Variants in AAMDC observed in about 807,000 individuals in gnomAD.
AAMDC encodes adipogenesis associated Mth938 domain containing.
In AAMDC, 16 loss-of-function variants were observed where a neutral mutation model predicts 15.5. The observed-to-expected ratio is 1.03, with a 90% CI of 0.70 to 1.57. The LOEUF is 1.57. Among genes scored for constraint, AAMDC ranks in the 40% most tolerant of loss-of-function variants. The pLI is 0.00. For missense variants in AAMDC, 141 were observed against 144.9 expected, an observed-to-expected ratio of 0.97 and a Z score of 0.14; for synonymous variants, 51 against 51.6, an observed-to-expected ratio of 0.99 and a Z score of 0.05.
At position 77,857,974 on chromosome 11, in the gene AAMDC, G is replaced by A. The variant is rs150885803; in HGVS notation, c.133-11748G>A. Among the ~76,000 whole-genome samples, 687 of 152,180 alleles carry A rather than the reference G, an allele frequency of 4.5e-3. 1 individual carries two copies. The highest frequency in any genetic ancestry group is 7.7e-3 in the Non-Finnish European group (524 of 67,982). On this transcript the variant is annotated intron_variant, in intron 2 of 3. Transcript: ENST00000393427. ...CCCCCAAAGTGCTGGGATTACAGGC[G>A]TGAGCCAACGTGCCCGGCCATCATC...
At chr11:77,850,065 T>G (rs944700846) in intron 2 of AAMDC, among the ~76,000 whole-genome samples, 3 of 152,222 alleles carry the variant, frequency 2.0e-5, no homozygotes, top group African/African-American at 7.2e-5. Context: ...AATAAATGTT[T>G]GCTGAATTGA....
intron 2 of AAMDC, chr11:77,855,465 G>A: frequency 5.1e-6 from 1 of 194,234 alleles, no homozygotes; most frequent in South Asian, 8.0e-5. Flanking sequence ...GACTACAGGT[G>A]CCTGCCACCA....
At chr11:77,904,656 A>C (rs1291998227), downstream of AAMDC, among the ~76,000 whole-genome samples, 2 of 152,188 alleles carry the variant, frequency 1.3e-5, no homozygotes, top group Non-Finnish European at 2.9e-5. Flanking sequence ...GAATTTCTGG[A>C]ATATTTACTT....
At position 77,853,483 on chromosome 11, in the gene AAMDC, A is replaced by G. The variant is rs1000385625; in HGVS notation, c.132+10855A>G. 3.3e-5 allele frequency among the ~76,000 whole-genome samples: 5 copies of G among 152,138 alleles called. No individual in the cohort carries two copies. In the East Asian group the frequency reaches 9.6e-4, roughly 29 times the overall value. On this transcript the variant is annotated intron_variant, in intron 2 of 3. Transcript: ENST00000393427. ...TCATGAGAATTCACTCACTATCACG[A>G]GAACAGCAAGGGGGATATTGGCCCC...
At chr11:77,866,345 T>A (rs994359992) in intron 2 of AAMDC, 2 of 152,150 alleles carry the variant, frequency 1.3e-5, no homozygotes, top group Non-Finnish European at 2.9e-5. Context: ...AGGAACAGAA[T>A]CAGACACTCA....
intron 1 of AAMDC, among the ~76,000 whole-genome samples, chr11:77,828,794 T>G (rs1421238158): frequency 1.3e-5 from 2 of 152,222 alleles, no homozygotes; most frequent in Non-Finnish European, 2.9e-5. Context: ...TGCCAATACC[T>G]TTAAGTTGAA....
At chr11:77,842,670 A>ACTTCCTCATGT in intron 2 of AAMDC, 42 bp downstream of exon 2, 1 of 1,600,318 alleles carries the variant, frequency 6.2e-7, no homozygotes, top group Non-Finnish European at 8.5e-7. Context: ...GAGGCTGACC[A>ACTTCCTCATGT]AGTGATTTCC....
At chr11:77,867,974 T>C (rs1484454058) in intron 2 of AAMDC, among the ~76,000 whole-genome samples, 1 of 152,198 alleles carries the variant, frequency 6.6e-6, no homozygotes, top group Non-Finnish European at 1.5e-5. Context: ...ATGCAAGTGC[T>C]TTCTTTTCCC....
intron 5 of AAMDC, among the ~76,000 whole-genome samples, chr11:77,893,663 C>G (rs1458824341): frequency 6.6e-6 from 1 of 152,068 alleles, no homozygotes; most frequent in African/African-American, 2.4e-5. Context: ...GAGGCCAAGG[C>G]AGGCAGATCA....
At chr11:77,882,362 G>A (rs887292009) in intron 5 of AAMDC, among the ~76,000 whole-genome samples, 2 of 150,596 alleles carry the variant, frequency 1.3e-5, no homozygotes, top group Admixed American at 1.3e-4. Flanking sequence ...TCTAACTCTG[G>A]CCTTGGCAAT....
At chr11:77,905,824 T>C (rs1205598610) in intron 3 of AAMDC, among the ~76,000 whole-genome samples, 1 of 152,186 alleles carries the variant, frequency 6.6e-6, no homozygotes, top group Non-Finnish European at 1.5e-5. Context: ...CATTTATACC[T>C]TTCCCTTTAT....
chr11:77,843,288 G>A (rs191993846), intron 2 of AAMDC, among the ~76,000 whole-genome samples: 118 of 152,248 alleles, frequency 7.8e-4, no homozygotes, highest in African/African-American at 2.6e-3. Flanking sequence ...AGTATTCTCA[G>A]TGTGCCATTC....
chr11:77,905,826 T>C (rs568709282), intron 3 of AAMDC, among the ~76,000 whole-genome samples: 11 of 152,256 alleles, frequency 7.2e-5, no homozygotes, highest in African/African-American at 2.6e-4. Context: ...TTTATACCTT[T>C]CCCTTTATGA....
At chr11:77,893,738 C>A (rs1952379870) in intron 5 of AAMDC, among the ~76,000 whole-genome samples, 1 of 151,842 alleles carries the variant, frequency 6.6e-6, no homozygotes, top group Non-Finnish European at 1.5e-5. Flanking sequence ...ACTAAAAATA[C>A]AAAAATTAGC....
At chr11:77,880,484 GC>G (rs1951750373) in intron 5 of AAMDC, among the ~76,000 whole-genome samples, 1 of 152,210 alleles carries the variant, frequency 6.6e-6, no homozygotes, top group African/African-American at 2.4e-5. Context: ...TCATGCAGCA[GC>G]CATGAGTGTA....
chr11:77,831,319 C>T (rs1384072640), intron 1 of AAMDC, among the ~76,000 whole-genome samples: 1 of 152,164 alleles, frequency 6.6e-6, no homozygotes, highest in East Asian at 1.9e-4. Context: ...CATAAAGTTA[C>T]TTGAACCAGC....
intron 5 of AAMDC, among the ~76,000 whole-genome samples, chr11:77,883,057 G>C (rs187871660): frequency 2.7e-5 from 4 of 147,610 alleles, no homozygotes; most frequent in Admixed American, 2.1e-4. Context: ...GCCTGGGCAA[G>C]AGCAAGACTC....
chr11:77,832,875 C>T (rs1949497013), intron 1 of AAMDC, among the ~76,000 whole-genome samples: 1 of 150,612 alleles, frequency 6.6e-6, no homozygotes, highest in Non-Finnish European at 1.5e-5. Flanking sequence ...GACAGTTTTT[C>T]CACAGACCAG....
chr11:77,865,689 G>A (rs1404408425), intron 2 of AAMDC, among the ~76,000 whole-genome samples: 1 of 152,182 alleles, frequency 6.6e-6, no homozygotes, highest in Non-Finnish European at 1.5e-5. Context: ...AGGGTAAGTT[G>A]GCTAGCAGAC....
Sources: allele counts gnomAD v4.1 joint callset (sites outside exome capture counted in the v4.1 genomes callset), GRCh38; gene constraint gnomAD v4.1.1; transcripts MANE v1.5; gene names NCBI Gene and HGNC (gene_info 2026-07-23, HGNC 2026-07-21).